CENPK: variants seen among roughly 807,000 people sequenced by gnomAD.
CENPK encodes SoxLZ/Sox6-binding protein Solt.
In CENPK, 46 loss-of-function variants were observed where a neutral mutation model predicts 40.9. The ratio of observed to expected loss-of-function variants is 1.13; its 90% CI spans 0.89 to 1.44. CENPK has a LOEUF of 1.44. Ranked by LOEUF, CENPK falls within the 40% of genes most tolerant of loss-of-function variation. The probability of loss-of-function intolerance (pLI) is 0.00; values close to 1 mark genes in which losing one functional copy is unlikely to be tolerated. For synonymous variants in CENPK, 107 were observed against 104.4 expected, an observed-to-expected ratio of 1.02 and a Z score of -0.15; for missense variants, 288 against 303.5, an observed-to-expected ratio of 0.95 and a Z score of 0.38.
intron 6 of CENPK, among the ~76,000 whole-genome samples, chr5:65,537,276 TTTAA>T (rs1747081780): frequency 6.6e-6 from 1 of 152,218 alleles, no homozygotes. Context: ...GAACAAACTT[TTTAA>T]ATAAACTTTC....
chr5:65,503,952 G>C, the CENPK span, among the ~76,000 whole-genome samples: 2 of 134,848 alleles, frequency 1.5e-5, no homozygotes, highest in East Asian at 2.7e-4. Context: ...CACCGTGCCC[G>C]GCCTGCTAAA....
intron 4 of CENPK, among the ~76,000 whole-genome samples, chr5:65,552,048 C>G (rs1750169436): frequency 6.7e-6 from 1 of 150,260 alleles, no homozygotes; most frequent in African/African-American, 2.5e-5. Flanking sequence ...CGGCCTCCAT[C>G]TACTGGGTTC....
At chr5:65,504,569 C>T in the CENPK span, among the ~76,000 whole-genome samples, 1 of 151,330 alleles carries the variant, frequency 6.6e-6, no homozygotes, top group Admixed American at 6.6e-5. Context: ...CACTTTTGTG[C>T]ATATGATATC....
intron 2 of CENPK, among the ~76,000 whole-genome samples, chr5:65,557,238 G>A (rs1751129009): frequency 6.6e-6 from 1 of 152,190 alleles, no homozygotes; most frequent in African/African-American, 2.4e-5. Flanking sequence ...GTAAATTACA[G>A]AGAATTGACA....
At chr5:65,527,054 G>T (rs564368539) in intron 9 of CENPK, among the ~76,000 whole-genome samples, 7 of 152,146 alleles carry the variant, frequency 4.6e-5, no homozygotes, top group African/African-American at 1.7e-4. Context: ...CGGAGATCAT[G>T]CCATTGCACT....
At chr5:65,527,901 C>CT (rs1376941102) in intron 9 of CENPK, among the ~76,000 whole-genome samples, 1 of 152,094 alleles carries the variant, frequency 6.6e-6, no homozygotes, top group African/African-American at 2.4e-5. Flanking sequence ...ATATGAAAAG[C>CT]TAACTTACTC....
chr5:65,537,163 AAC>A (rs1321067881), intron 6 of CENPK, among the ~76,000 whole-genome samples: 1 of 152,246 alleles, frequency 6.6e-6, no homozygotes, highest in Non-Finnish European at 1.5e-5. Flanking sequence ...AGTGAGAGGA[AAC>A]ATTAATACAG....
the CENPK span, among the ~76,000 whole-genome samples, chr5:65,504,592 T>A: frequency 6.6e-6 from 1 of 151,926 alleles, no homozygotes; most frequent in Non-Finnish European, 1.5e-5. Context: ...TGTGAAAAAA[T>A]TGCTGTTTTT....
the CENPK span, among the ~76,000 whole-genome samples, chr5:65,506,261 C>T: frequency 1.3e-5 from 2 of 151,196 alleles, no homozygotes; most frequent in African/African-American, 4.9e-5. Context: ...CACCTGTAGT[C>T]CTAGCTACTT....
chr5:65,517,316 T>C (rs985362647), downstream of CENPK, among the ~76,000 whole-genome samples: 2 of 152,194 alleles, frequency 1.3e-5, no homozygotes, highest in African/African-American at 4.8e-5. Context: ...ACAACAGTAC[T>C]ACCTGCTCTG....
At chr5:65,533,056 T>C (rs1746172816) in intron 6 of CENPK, among the ~76,000 whole-genome samples, 1 of 152,060 alleles carries the variant, frequency 6.6e-6, no homozygotes, top group Admixed American at 6.6e-5. Context: ...TATTAATTTG[T>C]GATTTTAAAA....
the CENPK span, among the ~76,000 whole-genome samples, chr5:65,505,030 C>A: frequency 6.6e-6 from 1 of 152,070 alleles, no homozygotes; most frequent in East Asian, 1.9e-4. Flanking sequence ...CCAGGTATAA[C>A]CAATCCTCTG....
rs60018569 is a variant in CENPK, at chr5:65,534,050, CAAA to C, written c.289-4854_289-4852del. Among the ~76,000 whole-genome samples the C allele has an allele frequency of 1.5e-4, 14 of 90,992 alleles. No individual in the cohort carries two copies. In the East Asian group the frequency reaches 2.9e-3, roughly 19 times the overall value. 59.7% of individuals were successfully genotyped at this position (90,992 alleles called of 152,430 possible). ...GTGACAGAGCGAGACACCGTCTCAA[CAAA>C]AAAAAAAAAAAAAAAAGGAAAAAGA... is the stretch of plus-strand genomic sequence containing the variant. On this transcript the variant is annotated intron_variant, in intron 6 of 10. Coordinates refer to ENST00000396679, the MANE Select transcript of CENPK (RefSeq NM_022145.5).
At chr5:65,504,371 G>A in the CENPK span, among the ~76,000 whole-genome samples, 291 of 146,556 alleles carry the variant, frequency 2.0e-3, 3 homozygotes, top group African/African-American at 7.2e-3. Flanking sequence ...TGGGAGAATC[G>A]CTTGAAACTG....
At chr5:65,551,175 G>A (rs71594468) in intron 5 of CENPK, 12,235 of 410,278 alleles carry the variant, frequency 0.03, 357 homozygotes, top group South Asian at 0.066. Context: ...ACTTGAACCC[G>A]GGAGATCGGG....
At chr5:65,548,436 T>G (rs575721493) in intron 5 of CENPK, among the ~76,000 whole-genome samples, 2 of 152,248 alleles carry the variant, frequency 1.3e-5, no homozygotes, top group South Asian at 4.1e-4. Context: ...ATCAGGTTAG[T>G]GGCTACTGAA....
At chr5:65,516,009 G>A (rs1742827762), downstream of CENPK, among the ~76,000 whole-genome samples, 1 of 152,186 alleles carries the variant, frequency 6.6e-6, no homozygotes, top group South Asian at 2.1e-4. Flanking sequence ...ACATGGCAAA[G>A]AGAGCAAGCT....
chr5:65,510,074 G>C, the CENPK span, among the ~76,000 whole-genome samples: 1 of 151,996 alleles, frequency 6.6e-6, no homozygotes, highest in Non-Finnish European at 1.5e-5. Context: ...AACCTACAAC[G>C]ACCTCTAAGT....
At chr5:65,500,722 G>A in the CENPK span, among the ~76,000 whole-genome samples, 1,721 of 152,268 alleles carry the variant, frequency 0.011, 22 homozygotes, top group South Asian at 0.035. Context: ...GAGAGCAGTG[G>A]CGCAATCTTG....
Sources: allele counts gnomAD v4.1 joint callset (sites outside exome capture counted in the v4.1 genomes callset), GRCh38; gene constraint gnomAD v4.1.1; transcripts MANE v1.5; gene names NCBI Gene and HGNC (gene_info 2026-07-23, HGNC 2026-07-21).